The following CEP120 variants were observed in gnomAD, a reference collection of about 807,000 sequenced individuals.
CEP120 encodes centrosomal protein 120.
Under a neutral mutation model 126.5 loss-of-function variants are expected in CEP120, and 113 were observed. That is an observed-to-expected ratio of 0.89 (90% CI 0.77 to 1.04). The LOEUF (loss-of-function observed/expected upper bound fraction) is 1.04, where lower values mean the gene tolerates loss of function less well. Ranked by LOEUF, CEP120 falls within the 50% of genes least tolerant of loss-of-function variation. The pLI, the probability that CEP120 is intolerant of heterozygous loss-of-function variation, is 0.00. For synonymous variants in CEP120, 400 were observed against 394.3 expected (o/e 1.01, Z -0.17); for missense variants, 1,230 against 1,155.7 (o/e 1.06, Z -0.93).
In CEP120 at chr5:123,420,066, T is replaced by A. The variant is rs111908357; in HGVS notation, c.50-1551A>T. ...AGACCTTGACTGCTAACCTTGTGAGTTAAAGCCTGAGGCTCTCATTGAAAC... is the reference window on the plus strand; with the variant it reads ...AGACCTTGACTGCTAACCTTGTGAGATAAAGCCTGAGGCTCTCATTGAAAC... On this transcript the variant is annotated intron_variant, in intron 1 of 19. Transcript: ENST00000306467. Among the ~76,000 whole-genome samples the A allele has an allele frequency of 3.3e-3, 498 of 152,290 alleles. 3 individuals carry two copies. The highest frequency in any genetic ancestry group is 0.011 in the African/African-American group (473 of 41,554).
intron 11 of CEP120, among the ~76,000 whole-genome samples, chr5:123,384,157 T>C (rs1344902734): frequency 2.0e-5 from 3 of 152,102 alleles, no homozygotes; most frequent in African/African-American, 7.2e-5. Context: ...TATTATCTTC[T>C]ACTTACGACA....
At chr5:123,391,462 T>C (rs1270532186) in intron 6 of CEP120, 125 bp from the exon 7 acceptor site, 4 of 693,434 alleles carry the variant, frequency 5.8e-6, no homozygotes, top group Admixed American at 3.0e-5. Flanking sequence ...TTATACCTCA[T>C]TGACCTCAAG....
intron 16 of CEP120, among the ~76,000 whole-genome samples, chr5:123,376,801 G>C (rs1220496409): frequency 6.6e-6 from 1 of 152,070 alleles, no homozygotes; most frequent in Non-Finnish European, 1.5e-5. Context: ...CTGAAATCAT[G>C]GGCATGAAAT....
intron 4 of CEP120, chr5:123,401,032 C>T (rs879096615): frequency 3.6e-5 from 56 of 1,567,366 alleles, no homozygotes; most frequent in Non-Finnish European, 4.5e-5. Flanking sequence ...GCGCCCAGGC[C>T]GTAGCTGAGG....
intron 18 of CEP120, among the ~76,000 whole-genome samples, chr5:123,362,488 T>G (rs1215799455): frequency 6.6e-6 from 1 of 151,802 alleles, no homozygotes; most frequent in Admixed American, 6.6e-5. Flanking sequence ...CTTCATTAGG[T>G]TGGTGCAAAA....
chr5:123,398,186 CA>C (rs1772924479), intron 5 of CEP120, among the ~76,000 whole-genome samples: 1 of 151,634 alleles, frequency 6.6e-6, no homozygotes, highest in Admixed American at 6.6e-5. Flanking sequence ...TACTACAGAA[CA>C]ACATAATGTC....
intron 14 of CEP120, among the ~76,000 whole-genome samples, chr5:123,379,532 A>C (rs1392937479): frequency 6.6e-6 from 1 of 152,038 alleles, no homozygotes. Context: ...CTCTCCTAAA[A>C]TGGTACATAA....
At position 123,402,553 on chromosome 5, in the gene CEP120, A is replaced by G. The variant is rs571321807; in HGVS notation, c.464-3269T>C. On this transcript the variant is annotated intron_variant, in intron 4 of 19. Transcript: ENST00000306467. ...CCGCCTCCTGAGTAGCTGGGATTAC[A>G]GGCTTGTGCCACCAAGCCAGGCTAA... Among the ~76,000 whole-genome samples, 5 of 152,222 alleles carry G rather than the reference A, an allele frequency of 3.3e-5. No individual in the cohort carries two copies. In the East Asian group the frequency reaches 9.7e-4, roughly 29 times the overall value.
chr5:123,350,595 A>C (rs1386196300), intron 18 of CEP120, among the ~76,000 whole-genome samples: 1 of 152,224 alleles, frequency 6.6e-6, no homozygotes, highest in African/African-American at 2.4e-5. Context: ...GCTAGTGGTA[A>C]GAGCAGCATC....
intron 17 of CEP120, among the ~76,000 whole-genome samples, chr5:123,372,402 T>A (rs1428065736): frequency 1.3e-5 from 2 of 152,072 alleles, no homozygotes; most frequent in East Asian, 3.9e-4. Context: ...GTTTTGTAAA[T>A]CCCTTCCTTA....
intron 5 of CEP120, 48 bp from the exon 6 acceptor site, chr5:123,393,545 G>A (rs1320309893): frequency 6.9e-7 from 1 of 1,456,244 alleles, no homozygotes; most frequent in East Asian, 2.3e-5. Context: ...CTAAACTACT[G>A]AACATGCTTA....
intron 16 of CEP120, among the ~76,000 whole-genome samples, chr5:123,375,925 C>T (rs1771182792): frequency 1.3e-5 from 2 of 151,640 alleles, no homozygotes; most frequent in South Asian, 2.1e-4. Flanking sequence ...GGGAGGCATT[C>T]ATCATACATA....
intron 4 of CEP120, among the ~76,000 whole-genome samples, chr5:123,408,907 T>C (rs1243905851): frequency 6.6e-6 from 1 of 151,964 alleles, no homozygotes; most frequent in Non-Finnish European, 1.5e-5. Flanking sequence ...AATCCATCAG[T>C]GTATAAAAAG....
At position 123,416,055 on chromosome 5, in the gene CEP120, T is replaced by C. The variant is rs1422507578; in HGVS notation, c.276A>G (p.Ile92Met). The C allele has an allele frequency of 3.1e-6, 5 of 1,614,004 alleles. No homozygotes were observed. In the African/African-American group the frequency reaches 6.7e-5, roughly 22 times the overall value. The change falls in exon 3 of 20, where the codon ATA (isoleucine) becomes ATG (methionine). Residue 92 changes from isoleucine to methionine, a missense_variant. Physicochemically the swap from Ile to Met is conservative, Grantham distance 10 (BLOSUM62 1). Coordinates refer to ENST00000306467, the MANE Select transcript of CEP120 (RefSeq NM_001375405.1). ...LDPVTSAKET[I>M]GYIVLDLRTA... Reference sequence around the variant, plus strand: ...TTCTTAAATCCAGAACGATGTAACCTATGGTTTCCTTGGCTGAAGTTACAG... The same window carrying C: ...TTCTTAAATCCAGAACGATGTAACCCATGGTTTCCTTGGCTGAAGTTACAG...
chr5:123,401,329 G>T (rs371576078), intron 4 of CEP120: 3 of 1,603,230 alleles, frequency 1.9e-6, no homozygotes, highest in African/African-American at 1.3e-5. Flanking sequence ...CACACTGCTC[G>T]GCATCTGCAA....
intron 10 of CEP120, among the ~76,000 whole-genome samples, chr5:123,385,517 TAA>T (rs1771958916): frequency 6.6e-6 from 1 of 152,174 alleles, no homozygotes; most frequent in Non-Finnish European, 1.5e-5. Context: ...CTATACCATC[TAA>T]GTTTGTTTAA....
In CEP120 at chr5:123,422,936, C is replaced by A; in HGVS notation, c.49+14G>T. The A allele has an allele frequency of 6.2e-7, 1 of 1,613,732 alleles. No individual in the cohort carries two copies. Among genetic ancestry groups the A allele is most frequent in the African/African-American group, 1.3e-5 (1 of 75,058 alleles). On this transcript the variant is annotated intron_variant, in intron 1 of 19. Coordinates refer to ENST00000306467, the MANE Select transcript of CEP120 (RefSeq NM_001375405.1). ...GGAGGCAGCAGTTGCAAAAGCAAGC[C>A]TCAGGCTGCTCACCTTCTAGGATGG...
intron 14 of CEP120, among the ~76,000 whole-genome samples, chr5:123,379,251 C>A (rs1194846071): frequency 1.3e-5 from 2 of 152,004 alleles, no homozygotes; most frequent in African/African-American, 2.4e-5. Flanking sequence ...CATCTCTTTA[C>A]CACCCATCTT....
rs185939197 is a variant in CEP120, at chr5:123,398,514, T to A, written c.612+622A>T. ...AAGTGGCAGGTTCCCCAAATTCAGT[T>A]TCCTCAGCTGTGATAAAACCCACTA... is the stretch of plus-strand genomic sequence containing the variant. On this transcript the variant is annotated intron_variant, in intron 5 of 19. Coordinates refer to ENST00000306467, the MANE Select transcript of CEP120 (RefSeq NM_001375405.1). Among the ~76,000 whole-genome samples, 747 of 152,280 alleles carry A rather than the reference T, an allele frequency of 4.9e-3. 5 individuals are homozygous for A. Among genetic ancestry groups the A allele is most frequent in the Admixed American group, 0.011 (166 of 15,294 alleles).
Sources: gnomAD v4.1 joint callset for allele counts (sites outside exome capture counted in the v4.1 genomes callset) on GRCh38, gnomAD v4.1.1 for gene constraint, MANE v1.5 for transcripts, NCBI Gene and HGNC (gene_info 2026-07-23, HGNC 2026-07-21) for gene names.